The following ACSL4 variants were observed in gnomAD, a reference collection of about 807,000 sequenced individuals.
ACSL4 encodes long-chain-fatty-acid--CoA ligase 4.
A neutral mutation model predicts 49.1 loss-of-function variants in ACSL4; 9 were observed. The ratio of observed to expected loss-of-function variants is 0.18; its 90% CI spans 0.11 to 0.32. The LOEUF (loss-of-function observed/expected upper bound fraction) is 0.32. Ranked by LOEUF, ACSL4 falls within the 10% of genes least tolerant of loss-of-function variation. ACSL4 has a pLI of 1.00. For missense variants in ACSL4, 333 were observed against 493.7 expected, an observed-to-expected ratio of 0.67 and a Z score of 3.08; for synonymous variants, 191 against 170.3, an observed-to-expected ratio of 1.12 and a Z score of -0.95.
At chrX:109,674,331 A>T in intron 9 of ACSL4, 71 bp downstream of exon 9, 1 of 896,411 alleles carries the variant, frequency 1.1e-6, no homozygotes, top group Non-Finnish European at 1.6e-6. Context: ...ATTACTTTTT[A>T]AAAGGTCCAA....
intron 1 of ACSL4, among the ~76,000 whole-genome samples, chrX:109,727,657 T>TTGTGTG (rs35186119): frequency 0.027 from 2,363 of 88,271 alleles, 47 homozygotes; most frequent in Non-Finnish European, 0.037. Context: ...GTTTGTTAAA[T>TTGTGTG]TGTGTGTGTG....
At chrX:109,686,776 GCACACACACA>G (rs35736807) in intron 2 of ACSL4, among the ~76,000 whole-genome samples, 1 of 98,913 alleles carries the variant, frequency 1.0e-5, no homozygotes, top group Non-Finnish European at 2.1e-5. Flanking sequence ...ACACACGCAT[GCACACACACA>G]CACACACACA....
At chrX:109,703,730 G>A (rs752020237) in intron 1 of ACSL4, among the ~76,000 whole-genome samples, 4 of 111,625 alleles carry the variant, frequency 3.6e-5, no homozygotes, top group East Asian at 2.8e-4. Flanking sequence ...TCAGGAGTTC[G>A]AGGTCAGCCT....
intron 2 of ACSL4, among the ~76,000 whole-genome samples, chrX:109,694,020 G>A (rs1206874859): frequency 8.9e-6 from 1 of 111,950 alleles, no homozygotes; most frequent in Non-Finnish European, 1.9e-5. Flanking sequence ...AGTATAGTCT[G>A]TCAACTTCCA....
intron 15 of ACSL4, among the ~76,000 whole-genome samples, chrX:109,645,137 C>G (rs1934608819): frequency 8.8e-6 from 1 of 113,364 alleles, no homozygotes; most frequent in African/African-American, 3.2e-5. Flanking sequence ...GTAAACAAAG[C>G]AGCTGGGAAG....
intron 1 of ACSL4, among the ~76,000 whole-genome samples, chrX:109,719,041 T>C (rs1031277394): frequency 2.7e-5 from 3 of 111,200 alleles, no homozygotes; most frequent in South Asian, 3.7e-4. Flanking sequence ...TTGAAGACAA[T>C]TGGAAACAAG....
At chrX:109,644,242 A>G (rs977500913) in intron 15 of ACSL4, 56 bp from the exon 16 acceptor site, 1 of 1,079,425 alleles carries the variant, frequency 9.3e-7, no homozygotes, top group African/African-American at 1.8e-5. Context: ...GAGACGAGAA[A>G]GGAGTGGGGA....
intron 9 of ACSL4, among the ~76,000 whole-genome samples, chrX:109,671,383 G>A (rs956185850): frequency 6.3e-5 from 7 of 111,536 alleles, no homozygotes; most frequent in East Asian, 5.7e-4. Context: ...GAGCCCCTCC[G>A]CCCGGCCAGC....
Position 109,729,564 on chromosome X carries a change from C to G in ACSL4, c.-66+3575G>C, listed in dbSNP as rs1234875149. On this transcript the variant is annotated intron_variant, in intron 1 of 15. Transcript: ENST00000672401. ...CTAAACATGCAAGTGCTATACCACC[C>G]AAGAAGTACACTCTCAGGCATTTCA... Among the ~76,000 whole-genome samples the G allele has an allele frequency of 4.5e-5, 5 of 111,944 alleles. No homozygotes were observed. In the East Asian group the frequency reaches 1.4e-3, roughly 31 times the overall value.
chrX:109,710,598 G>C lies in ACSL4; in HGVS notation c.-65-14402C>G, dbSNP rs150248605. Among the ~76,000 whole-genome samples, 838 of 112,617 alleles carry C rather than the reference G, an allele frequency of 7.4e-3. 7 individuals carry two copies. The highest frequency in any genetic ancestry group is 0.051 in the Middle Eastern group (11 of 217). ...TCTTAAACAGATATAGGATAAATCAGATGCATTGTAAGAAAATATCTCCGT... is the reference window on the plus strand; with the variant it reads ...TCTTAAACAGATATAGGATAAATCACATGCATTGTAAGAAAATATCTCCGT... On this transcript the variant is annotated intron_variant, in intron 1 of 15. Transcript: ENST00000672401.
At chrX:109,706,838 T>C (rs188201478) in intron 1 of ACSL4, among the ~76,000 whole-genome samples, 366 of 112,398 alleles carry the variant, frequency 3.3e-3, no homozygotes, top group Admixed American at 6.5e-3. Flanking sequence ...TGAACAATAC[T>C]TGAAGAAAGT....
intron 9 of ACSL4, among the ~76,000 whole-genome samples, chrX:109,673,675 CAG>C (rs1169522420): frequency 8.9e-6 from 1 of 111,986 alleles, no homozygotes; most frequent in Admixed American, 9.5e-5. Flanking sequence ...TATCTAATCT[CAG>C]AGTTTCCATA....
intron 1 of ACSL4, among the ~76,000 whole-genome samples, chrX:109,710,037 G>A (rs1382630729): frequency 3.6e-5 from 4 of 111,739 alleles, no homozygotes; most frequent in East Asian, 2.8e-4. Context: ...CCCGGGAGGC[G>A]GAGGTTGCAG....
chrX:109,707,063 C>T (rs1352031073), intron 1 of ACSL4, among the ~76,000 whole-genome samples: 1 of 111,996 alleles, frequency 8.9e-6, no homozygotes, highest in Non-Finnish European at 1.9e-5. Flanking sequence ...GCACTTTCCT[C>T]TACATTAGAG....
chrX:109,731,644 T>C (rs774759190), intron 1 of ACSL4, among the ~76,000 whole-genome samples: 17 of 110,107 alleles, frequency 1.5e-4, no homozygotes, highest in African/African-American at 5.6e-4. Context: ...ACACCTTCCA[T>C]GGATTTTTAG....
rs189464961 is a variant in ACSL4, at chrX:109,651,089, T to C, written c.1856-6903A>G. Among the ~76,000 whole-genome samples the C allele has an allele frequency of 5.6e-3, 627 of 112,242 alleles. 17 individuals are homozygous for C. The highest frequency in any genetic ancestry group is 0.056 in the Admixed American group (589 of 10,550). On this transcript the variant is annotated intron_variant, in intron 15 of 15. Transcript: ENST00000672401. ...TAAGGAAGGACATAAAGGTAATTAA[T>C]ACAGTATTAATACTTTTAAATTCCA...
intron 1 of ACSL4, among the ~76,000 whole-genome samples, chrX:109,722,538 T>C (rs889961047): frequency 1.8e-5 from 2 of 111,872 alleles, no homozygotes; most frequent in Admixed American, 9.5e-5. Flanking sequence ...AAAAAAAGCT[T>C]CCTAATGATA....
chrX:109,656,287 T>G (rs1272275420), intron 15 of ACSL4, among the ~76,000 whole-genome samples: 1 of 110,563 alleles, frequency 9.0e-6, no homozygotes, highest in African/African-American at 3.3e-5. Context: ...TACAAAAAAC[T>G]AATGAAGAGA....
At position 109,678,018 on chromosome X, in the gene ACSL4, T is replaced by A; in HGVS notation, c.900A>T (p.Gly300=). ...CAGAGAGTGTAAGCGGAGAAGAATATCCAATCCTGCAGCCATAGGTAAAGC... is the reference window on the plus strand; with the variant it reads ...CAGAGAGTGTAAGCGGAGAAGAATAACCAATCCTGCAGCCATAGGTAAAGC... ...ISCFTYGCRI[G]YSSPLTLSDQ... The change falls in exon 8 of 16, where the codon GGA becomes GGT. Residue 300 remains glycine (G), a synonymous_variant. Coordinates refer to ENST00000672401, the MANE Select transcript of ACSL4 (RefSeq NM_001318510.2). 8.3e-7 allele frequency: 1 copy of A among 1,211,552 alleles called. No individual in the cohort carries two copies. Among genetic ancestry groups the A allele is most frequent in the African/African-American group, 1.7e-5 (1 of 57,805 alleles).
Sources: gnomAD v4.1 joint callset for allele counts (sites outside exome capture counted in the v4.1 genomes callset) on GRCh38, gnomAD v4.1.1 for gene constraint, MANE v1.5 for transcripts, NCBI Gene and HGNC (gene_info 2026-07-23, HGNC 2026-07-21) for gene names.